The following TRHDE variants were observed in gnomAD, a reference collection of about 807,000 sequenced individuals.
TRHDE encodes thyrotropin-releasing hormone-degrading ectoenzyme.
TRHDE carries 72 observed loss-of-function variants against 125.7 expected under a neutral mutation model. The observed-to-expected ratio is 0.57, with a 90% CI of 0.47 to 0.70. TRHDE has a LOEUF of 0.70. TRHDE is among the 30% of genes least tolerant of loss of function. The probability of loss-of-function intolerance (pLI) is 0.00; values close to 1 mark genes in which losing one functional copy is unlikely to be tolerated. For missense variants in TRHDE, 1,110 were observed against 1,327.1 expected (o/e 0.84, Z 2.54); for synonymous variants, 509 against 509.1 (o/e 1.00, Z 0.00).
At chr12:72,630,599 A>G (rs975929064) in intron 15 of TRHDE, among the ~76,000 whole-genome samples, 6 of 151,796 alleles carry the variant, frequency 4.0e-5, no homozygotes, top group Non-Finnish European at 5.9e-5. Flanking sequence ...ATGTATAATC[A>G]GTAGTTTTGA....
rs568033972 is a variant in TRHDE at position 72,538,246 on chromosome 12, C to A, written c.1723-4045C>A. On this transcript the variant is annotated intron_variant, in intron 6 of 18. Coordinates refer to ENST00000261180, the MANE Select transcript of TRHDE (RefSeq NM_013381.3). ...CCCACAAGTCTATTTAAATATCTCT[C>A]TCTTAAATATGGCCTACTATGGCCT... Among the ~76,000 whole-genome samples the A allele has an allele frequency of 7.9e-5, 12 of 152,100 alleles. No homozygotes were observed. In the East Asian group the frequency reaches 2.3e-3, roughly 29 times the overall value.
intron 2 of TRHDE, among the ~76,000 whole-genome samples, chr12:72,145,154 A>T (rs1444290525): frequency 1.3e-5 from 2 of 152,184 alleles, no homozygotes; most frequent in Admixed American, 6.5e-5. Flanking sequence ...TTGAGTTTCC[A>T]TCACACTGAG....
chr12:72,564,653 A>ATT lies in TRHDE; in HGVS notation c.2042+1644_2042+1645dup, dbSNP rs538823843. Reference sequence around the variant, plus strand: ...TGGAATTATAAAATCATGCGTATGAATTTTTTTTTTTTTTTTTTTTTTTTT... The same window carrying ATT: ...TGGAATTATAAAATCATGCGTATGAATTTTTTTTTTTTTTTTTTTTTTTTTTT... On this transcript the variant is annotated intron_variant, in intron 9 of 18. Coordinates refer to ENST00000261180, the MANE Select transcript of TRHDE (RefSeq NM_013381.3). 4.5e-3 allele frequency among the ~76,000 whole-genome samples: 245 copies of ATT among 54,300 alleles called. 45 individuals carry two copies. Among genetic ancestry groups the ATT allele is most frequent in the African/African-American group, 9.0e-3 (134 of 14,894 alleles). The allele number at this position is 54,300 out of a possible 152,430, so 35.6% of individuals were successfully genotyped here. A position where few individuals can be genotyped will look rare whatever the true frequency, so the allele number is the denominator to read the frequency against.
chr12:72,451,070 C>T (rs1875546145), intron 3 of TRHDE, among the ~76,000 whole-genome samples: 2 of 152,008 alleles, frequency 1.3e-5, no homozygotes, highest in South Asian at 4.1e-4. Context: ...AATATTTTCT[C>T]CCGTTCTTTA....
At chr12:72,604,080 G>C (rs747975664) in intron 12 of TRHDE, among the ~76,000 whole-genome samples, 14 of 152,126 alleles carry the variant, frequency 9.2e-5, no homozygotes, top group Non-Finnish European at 1.6e-4. Context: ...TTACAAAATA[G>C]AAGGTAAATC....
chr12:72,660,458 T>G (rs919040813), intron 18 of TRHDE, among the ~76,000 whole-genome samples: 1 of 152,090 alleles, frequency 6.6e-6, no homozygotes, highest in Non-Finnish European at 1.5e-5. Flanking sequence ...AACGGGTGCC[T>G]TCCCTGGCAC....
intron 6 of TRHDE, among the ~76,000 whole-genome samples, chr12:72,539,579 A>G (rs2135984702): frequency 6.6e-6 from 1 of 151,878 alleles, no homozygotes. Flanking sequence ...TTCTCTGGGC[A>G]TGTTTAATAC....
In TRHDE at chr12:72,119,175, C is replaced by T. The variant is rs182921168; in HGVS notation, n.279+13423C>T. Among the ~76,000 whole-genome samples, 245 of 152,172 alleles carry T rather than the reference C, an allele frequency of 1.6e-3. 1 individual carries two copies. Among genetic ancestry groups the T allele is most frequent in the African/African-American group, 5.2e-3 (218 of 41,554 alleles). On this transcript the variant is annotated intron_variant and non_coding_transcript_variant, in intron 2 of 4. Transcript: ENST00000548156. ...TCTTCTGTTATGACATAGGCACTTACGACTTTAAATTTCCCTCTTAGTACT... is the reference window on the plus strand; with the variant it reads ...TCTTCTGTTATGACATAGGCACTTATGACTTTAAATTTCCCTCTTAGTACT...
intron 2 of TRHDE, among the ~76,000 whole-genome samples, chr12:72,313,086 G>GT (rs1172174918): frequency 6.6e-6 from 1 of 151,738 alleles, no homozygotes; most frequent in Non-Finnish European, 1.5e-5. Context: ...ATTTTTTATA[G>GT]TTATTAGGTT....
rs959234411 is a variant in TRHDE at position 72,669,357 on chromosome 12, T to C, written c.*6162T>C. 5.3e-5 allele frequency: 8 copies of C among 151,838 alleles called. No individual in the cohort carries two copies. The highest frequency in any genetic ancestry group is 3.2e-3 in the Middle Eastern group (1 of 316). 9.4% of individuals were successfully genotyped at this position (151,838 alleles called of 1,614,324 possible). A position where few individuals can be genotyped will look rare whatever the true frequency, so the allele number is the denominator to read the frequency against. ...CTTAAACTTAACATTTTCAATGGGTTTGCTGTGTGAAGATACAGTCTAAGA... is the reference window on the plus strand; with the variant it reads ...CTTAAACTTAACATTTTCAATGGGTCTGCTGTGTGAAGATACAGTCTAAGA... On this transcript the variant is annotated 3_prime_UTR_variant, in exon 19 of 19. Transcript: ENST00000261180.
At position 72,425,617 on chromosome 12, in the gene TRHDE, A is replaced by G. The variant is rs1415430841; in HGVS notation, c.1316-44141A>G. On this transcript the variant is annotated intron_variant, in intron 3 of 18. Transcript: ENST00000261180. ...ATTGAAGATAAGTGGAAAAAACAAC[A>G]TTTTTCTCTCATCTCAATTCTAAGT... Among the ~76,000 whole-genome samples, 5 of 152,000 alleles carry G rather than the reference A, an allele frequency of 3.3e-5. No homozygotes were observed. The East Asian group carries it at 7.7e-4, about 23-fold the overall frequency.
At chr12:72,512,626 TATC>T (rs1426517234) in intron 6 of TRHDE, among the ~76,000 whole-genome samples, 1 of 142,596 alleles carries the variant, frequency 7.0e-6, no homozygotes, top group African/African-American at 2.6e-5. Flanking sequence ...TAATCATATA[TATC>T]ATATTATCAT....
chr12:72,342,710 A>G (rs1870137496), intron 2 of TRHDE, among the ~76,000 whole-genome samples: 1 of 152,130 alleles, frequency 6.6e-6, no homozygotes, highest in Non-Finnish European at 1.5e-5. Context: ...GAAGTTGTAC[A>G]TATAGGAATT....
intron 2 of TRHDE, among the ~76,000 whole-genome samples, chr12:72,155,777 C>T (rs932334891): frequency 3.9e-5 from 6 of 152,256 alleles, no homozygotes. Context: ...GAGTACCTGG[C>T]CATGTGAGGT....
chr12:72,470,037 T>A, intron 4 of TRHDE, 125 bp downstream of exon 4: 2 of 894,206 alleles, frequency 2.2e-6, no homozygotes, highest in Non-Finnish European at 3.3e-6. Context: ...GAGCACTGTG[T>A]AGTTCTTTCT....
intron 5 of TRHDE, among the ~76,000 whole-genome samples, chr12:72,479,254 CAT>C (rs1877046232): frequency 1.3e-5 from 2 of 152,032 alleles, no homozygotes; most frequent in African/African-American, 4.8e-5. Flanking sequence ...ATAATATATA[CAT>C]GTTTTCATTT....
chr12:72,554,063 G>A (rs1388038751), intron 7 of TRHDE, among the ~76,000 whole-genome samples: 1 of 151,812 alleles, frequency 6.6e-6, no homozygotes, highest in Non-Finnish European at 1.5e-5. Context: ...GGCCAGGCTG[G>A]TCTCGAACTC....
intron 2 of TRHDE, among the ~76,000 whole-genome samples, chr12:72,177,601 G>A (rs1290541070): frequency 6.6e-6 from 1 of 151,988 alleles, no homozygotes; most frequent in Non-Finnish European, 1.5e-5. Flanking sequence ...AAGACTAAAA[G>A]CCAATTTTTT....
Position 72,409,160 on chromosome 12 carries a change from C to A in TRHDE, c.1315+31039C>A, listed in dbSNP as rs545106709. On this transcript the variant is annotated intron_variant, in intron 3 of 18. Coordinates refer to ENST00000261180, the MANE Select transcript of TRHDE (RefSeq NM_013381.3). ...GAAGCCAGAAATAAAAGAGAATTAT[C>A]TCTAAAGGAATAGCAGCTAGACTGA... Among the ~76,000 whole-genome samples, 11 of 152,260 alleles carry A rather than the reference C, an allele frequency of 7.2e-5. No homozygotes were observed. The South Asian group carries it at 2.1e-3, about 29-fold the overall frequency.
Sources: allele counts gnomAD v4.1 joint callset (sites outside exome capture counted in the v4.1 genomes callset), GRCh38; gene constraint gnomAD v4.1.1; transcripts MANE v1.5; gene names NCBI Gene and HGNC (gene_info 2026-07-23, HGNC 2026-07-21).